Variants in NGFR observed in about 807,000 individuals in gnomAD.
The protein encoded by NGFR is tumor necrosis factor receptor superfamily member 16.
Under a neutral mutation model 43.2 loss-of-function variants are expected in NGFR, and 30 were observed. That is an observed-to-expected ratio of 0.69 (90% CI 0.52 to 0.94). The LOEUF (loss-of-function observed/expected upper bound fraction) is 0.94, where lower values mean the gene tolerates loss of function less well. Ranked by LOEUF, NGFR falls within the 40% of genes least tolerant of loss-of-function variation. NGFR has a pLI of 0.00. For missense variants in NGFR, 529 were observed against 602.5 expected (o/e 0.88, Z 1.28); for synonymous variants, 246 against 259.6 (o/e 0.95, Z 0.50).
Position 49,514,654 on chromosome 17 carries a change from CT to C in NGFR, c.*1648del, listed in dbSNP as rs1399162391. 2 of 152,246 alleles carry C rather than the reference CT, an allele frequency of 1.3e-5. No homozygotes were observed. Among genetic ancestry groups the C allele is most frequent in the Non-Finnish European group, 2.9e-5 (2 of 68,076 alleles). The allele number at this position is 152,246 out of a possible 1,614,324, so 9.4% of individuals were successfully genotyped here. A position where few individuals can be genotyped will look rare whatever the true frequency, so the allele number is the denominator to read the frequency against. On this transcript the variant is annotated 3_prime_UTR_variant, in exon 6 of 6. Coordinates refer to ENST00000172229, the MANE Select transcript of NGFR (RefSeq NM_002507.4). ...AGGAGCACTGTAGTAAATGGCAATT[CT>C]TTGACCTCAACCTGTGATGAGGGGA...
chr17:49,509,015 C>T (rs1484604861), intron 3 of NGFR, among the ~76,000 whole-genome samples: 1 of 152,186 alleles, frequency 6.6e-6, no homozygotes, highest in Non-Finnish European at 1.5e-5. Flanking sequence ...AAGAGAAGAC[C>T]CTCCCCAGTC....
In NGFR at chr17:49,510,450, G is replaced by C; in HGVS notation, c.607G>C (p.Glu203Gln). 6.2e-7 allele frequency: 1 copy of C among 1,614,050 alleles called. No homozygotes were observed. Among genetic ancestry groups the C allele is most frequent in the Non-Finnish European group, 8.5e-7 (1 of 1,180,004 alleles). The part of the protein sequence containing the change: ...GRWITRSTPP[E>Q]GSDSTAPSTQ... ...TTGGATTACACGGTCCACACCCCCA[G>C]AGGGCTCGGACAGCACAGCCCCCAG... Residue 203 changes from glutamate to glutamine, a missense_variant, in exon 4 of 6, where the codon GAG becomes CAG. By Grantham distance (29) the Glu-to-Gln change is conservative (BLOSUM62 2). Coordinates refer to ENST00000172229, the MANE Select transcript of NGFR (RefSeq NM_002507.4).
chr17:49,507,590 T>G (rs1308524285), intron 3 of NGFR, among the ~76,000 whole-genome samples: 2 of 152,092 alleles, frequency 1.3e-5, no homozygotes, highest in Non-Finnish European at 2.9e-5. Flanking sequence ...GCTGTTTTGG[T>G]CTCTGGTTGG....
chr17:49,505,019 G>A (rs775582188), intron 2 of NGFR, among the ~76,000 whole-genome samples: 3 of 151,872 alleles, frequency 2.0e-5, no homozygotes, highest in South Asian at 2.1e-4. Flanking sequence ...TGATCTGCTC[G>A]CCTTGGCCTC....
chr17:49,506,854 G>T (rs913453183), intron 3 of NGFR, among the ~76,000 whole-genome samples, 196 bp downstream of exon 3: 8 of 152,178 alleles, frequency 5.3e-5, no homozygotes, highest in African/African-American at 1.9e-4. Flanking sequence ...TCCCCATCCT[G>T]TCTCAGCAAA....
intron 1 of NGFR, chr17:49,497,028 A>G (rs1204751959): frequency 1.3e-5 from 2 of 152,146 alleles, no homozygotes; most frequent in African/African-American, 4.8e-5. Context: ...AGTTTAAACG[A>G]CTTGGCCAAG....
intron 1 of NGFR, 42 bp from the exon 2 acceptor site, chr17:49,502,021 C>CCCCCCAAAAA: frequency 7.6e-7 from 1 of 1,324,462 alleles, no homozygotes; most frequent in Non-Finnish European, 9.9e-7. Context: ...CCCACCCCAG[C>CCCCCCAAAAA]TTTCTCTTGC....
intron 1 of NGFR, among the ~76,000 whole-genome samples, chr17:49,499,908 G>C (rs2071157958): frequency 6.6e-6 from 1 of 152,196 alleles, no homozygotes; most frequent in Non-Finnish European, 1.5e-5. Context: ...TTCTACCAAG[G>C]CGAGTTCCAC....
At chr17:49,502,541 C>G (rs2071172974) in intron 2 of NGFR, among the ~76,000 whole-genome samples, 1 of 152,184 alleles carries the variant, frequency 6.6e-6, no homozygotes, top group African/African-American at 2.4e-5. Flanking sequence ...AAAATATCAT[C>G]TGCACTGCAA....
intron 1 of NGFR, 64 bp from the exon 2 acceptor site, chr17:49,501,999 A>AAGCCCCCCCC: frequency 6.0e-6 from 2 of 330,984 alleles, no homozygotes; most frequent in Non-Finnish European, 5.9e-6. Flanking sequence ...TCCCCGGAAG[A>AAGCCCCCCCC]ACCCCCCCCA....
At chr17:49,504,775 T>TTC (rs2071187060) in intron 2 of NGFR, among the ~76,000 whole-genome samples, 2 of 140,230 alleles carry the variant, frequency 1.4e-5, no homozygotes, top group Non-Finnish European at 3.1e-5. Flanking sequence ...CTTTCTTTTT[T>TTC]TTTTTTTTTT....
chr17:49,503,342 G>A (rs895314969), intron 2 of NGFR, among the ~76,000 whole-genome samples: 1 of 152,150 alleles, frequency 6.6e-6, no homozygotes, highest in African/African-American at 2.4e-5. Context: ...CAGGAGTCTC[G>A]GTCCCTGATC....
At position 49,513,060 on chromosome 17, in the gene NGFR, C is replaced by T. The variant is rs545481178; in HGVS notation, c.*51C>T. 2.4e-5 allele frequency: 35 copies of T among 1,457,918 alleles called. No individual in the cohort carries two copies. The East Asian group carries it at 7.9e-4, about 33-fold the overall frequency. The allele number at this position is 1,457,918 out of a possible 1,614,324, so 90.3% of individuals were successfully genotyped here. On this transcript the variant is annotated 3_prime_UTR_variant, in exon 6 of 6. Coordinates refer to ENST00000172229, the MANE Select transcript of NGFR (RefSeq NM_002507.4). ...CCCCACATTCCGACAACCGATGCTC[C>T]AGCCAACCCCTGTGGAGCCCGCACC...
chr17:49,502,028 T>A, intron 1 of NGFR, 35 bp from the exon 2 acceptor site: 26 of 611,232 alleles, frequency 4.3e-5, no homozygotes, highest in Non-Finnish European at 5.5e-5. Context: ...CAGCTTTCTC[T>A]TGCCAGTCTG....
In NGFR at chr17:49,506,510, C is replaced by A; in HGVS notation, c.420C>A (p.Asp140Glu). Residue 140 changes from aspartate (D) to glutamate (E), a missense_variant, in exon 3 of 6, where the codon GAC (aspartate) becomes GAA (glutamate). Physicochemically the swap from Asp to Glu is conservative, Grantham distance 45. Transcript: ENST00000172229. Reference sequence around the variant, plus strand: ...CGGGCCTCGTGTTCTCCTGCCAGGACAAGCAGAACACCGTGTGCGAGGAGT... The same window carrying A: ...CGGGCCTCGTGTTCTCCTGCCAGGAAAAGCAGAACACCGTGTGCGAGGAGT... ...AGSGLVFSCQ[D>E]KQNTVCEECP... The A allele has an allele frequency of 6.2e-7, 1 of 1,611,740 alleles. No individual in the cohort carries two copies. The highest frequency in any genetic ancestry group is 8.5e-7 in the Non-Finnish European group (1 of 1,179,572).
intron 1 of NGFR, 83 bp from the exon 2 acceptor site, chr17:49,501,980 G>T (rs1389434997): frequency 7.3e-6 from 10 of 1,372,460 alleles, no homozygotes; most frequent in African/African-American, 1.4e-5. Context: ...TGGGAGGAGG[G>T]TGTTTGATTC....
chr17:49,498,062 C>T (rs555155339), intron 1 of NGFR, among the ~76,000 whole-genome samples: 101 of 152,338 alleles, frequency 6.6e-4, no homozygotes, highest in African/African-American at 2.4e-3. Context: ...TCCCACTTCG[C>T]AGTTGAGGAA....
rs944783497 is a variant in NGFR, at chr17:49,512,518, A to T, written c.983-190A>T. On this transcript the variant is annotated intron_variant, in intron 5 of 5. Coordinates refer to ENST00000172229, the MANE Select transcript of NGFR (RefSeq NM_002507.4). The surrounding 1 kb of genome is among the most constrained non-coding windows in gnomAD (Gnocchi z 5.2). ...GGGATAGGGATTGGGCTGGAGTGAC[A>T]GGAGGAAGGGACAACGAGTCCCCCC... Among the ~76,000 whole-genome samples the T allele has an allele frequency of 6.6e-6, 1 of 152,158 alleles. No homozygotes were observed. Among genetic ancestry groups the T allele is most frequent in the Non-Finnish European group, 1.5e-5 (1 of 68,012 alleles).
At position 49,502,104 on chromosome 17, in the gene NGFR, G is replaced by A; in HGVS notation, c.108G>A (p.Leu36=). The A allele has an allele frequency of 1.3e-6, 2 of 1,591,750 alleles. No homozygotes were observed. Among genetic ancestry groups the A allele is most frequent in the Non-Finnish European group, 1.7e-6 (2 of 1,168,136 alleles). Reference sequence around the variant, plus strand: ...CCAAGGAGGCATGCCCCACAGGCCTGTACACACACAGCGGTGAGTGCTGCA... The same window carrying A: ...CCAAGGAGGCATGCCCCACAGGCCTATACACACACAGCGGTGAGTGCTGCA... ...GGAKEACPTG[L]YTHSGECCKA... The change falls in exon 2 of 6, where the codon CTG becomes CTA. Residue 36 remains leucine (L), a synonymous_variant. Transcript: ENST00000172229.
Sources: gnomAD v4.1 joint callset for allele counts (sites outside exome capture counted in the v4.1 genomes callset) on GRCh38, gnomAD v4.1.1 for gene constraint, Gnocchi (gnomAD v3.1) non-coding constraint, MANE v1.5 for transcripts, NCBI Gene and HGNC (gene_info 2026-07-23, HGNC 2026-07-21) for gene names.